PTPRA: variants seen among roughly 807,000 people sequenced by gnomAD.
The protein encoded by PTPRA is protein tyrosine phosphatase receptor type A.
In PTPRA, 25 loss-of-function variants were observed where a neutral mutation model predicts 104.8. The observed-to-expected ratio is 0.24, with a 90% confidence interval of 0.17 to 0.33. The LOEUF (loss-of-function observed/expected upper bound fraction) is 0.33, where lower values mean the gene tolerates loss of function less well. Among genes scored for constraint, PTPRA ranks in the 10% least tolerant of loss-of-function variants. The probability of loss-of-function intolerance (pLI) is 1.00; values close to 1 mark genes in which losing one functional copy is unlikely to be tolerated. For missense variants in PTPRA, 765 were observed against 1,015.3 expected (o/e 0.75, Z 3.35); for synonymous variants, 323 against 368.9 (o/e 0.88, Z 1.43).
intron 18 of PTPRA, 120 bp from the exon 19 acceptor site, chr20:3,027,001 A>C: frequency 8.6e-7 from 1 of 1,168,236 alleles, no homozygotes; most frequent in Non-Finnish European, 1.3e-6. Context: ...ATGAGCTAGG[A>C]ACAGACATGT....
chr20:2,987,496 G>C (rs1568683230), intron 7 of PTPRA, among the ~76,000 whole-genome samples: 1 of 152,042 alleles, frequency 6.6e-6, no homozygotes, highest in Non-Finnish European at 1.5e-5. Flanking sequence ...CTTATCTTTG[G>C]CCTAACCAAA....
At chr20:2,934,770 C>A (rs28718735) in intron 2 of PTPRA, among the ~76,000 whole-genome samples, 2 of 148,238 alleles carry the variant, frequency 1.3e-5, no homozygotes, top group African/African-American at 5.0e-5. Context: ...CTCCCTGATT[C>A]GAGCAATTCT....
chr20:2,974,112 G>C (rs771291649), intron 5 of PTPRA, among the ~76,000 whole-genome samples: 25 of 150,882 alleles, frequency 1.7e-4, no homozygotes, highest in Non-Finnish European at 3.1e-4. Context: ...CACCACGCCT[G>C]GCTAATTTTT....
the PTPRA span, chr20:2,864,197 C>T: frequency 2.5e-6 from 4 of 1,614,198 alleles, no homozygotes; most frequent in Non-Finnish European, 2.5e-6. This position sits in a 1 kb window ranked among gnomAD's most constrained non-coding sequence, Gnocchi z 5.2. Flanking sequence ...GTATGAGCCA[C>T]GCTCAGGGGA....
chr20:2,947,722 AC>A (rs542856876), intron 2 of PTPRA, among the ~76,000 whole-genome samples: 3 of 151,478 alleles, frequency 2.0e-5, no homozygotes, highest in African/African-American at 2.4e-5. Context: ...TACATGAACA[AC>A]CCCCCTGGAA....
At chr20:2,955,574 A>C in intron 3 of PTPRA, 1 of 939,920 alleles carries the variant, frequency 1.1e-6, no homozygotes, top group Non-Finnish European at 1.3e-6. Flanking sequence ...TCTCAAGAGA[A>C]GACATATAAT....
chr20:2,895,568 G>A (rs568370631), intron 1 of PTPRA, among the ~76,000 whole-genome samples: 1 of 152,130 alleles, frequency 6.6e-6, no homozygotes, highest in African/African-American at 2.4e-5. Flanking sequence ...CCAGGCTGGA[G>A]TGCAATGGCA....
intron 3 of PTPRA, among the ~76,000 whole-genome samples, chr20:2,962,810 G>A (rs754286998): frequency 3.3e-5 from 5 of 152,136 alleles, no homozygotes; most frequent in African/African-American, 7.2e-5. Context: ...TGCTAGGCAC[G>A]GCTGCTGGTA....
intron 5 of PTPRA, among the ~76,000 whole-genome samples, chr20:2,967,729 C>T (rs1455067578): frequency 6.6e-6 from 1 of 152,070 alleles, no homozygotes; most frequent in African/African-American, 2.4e-5. Context: ...GGCATGGGTG[C>T]ATGTGCTTGT....
chr20:2,924,216 A>C (rs908784086), intron 2 of PTPRA, among the ~76,000 whole-genome samples: 1 of 152,168 alleles, frequency 6.6e-6, no homozygotes, highest in Admixed American at 6.5e-5. Context: ...AGCCTGGTCA[A>C]CATGGTGAAA....
At chr20:2,979,974 A>G (rs141744903) in intron 6 of PTPRA, among the ~76,000 whole-genome samples, 2,345 of 151,986 alleles carry the variant, frequency 0.015, 121 homozygotes, top group Admixed American at 0.09. Flanking sequence ...GTGCAATGGC[A>G]CGATCTCGGT....
intron 2 of PTPRA, among the ~76,000 whole-genome samples, chr20:2,928,119 TTTGTTG>T (rs556603510): frequency 6.6e-6 from 1 of 151,876 alleles, no homozygotes; most frequent in East Asian, 1.9e-4. Context: ...GTATCCGTTT[TTTGTTG>T]TTGTTGTTGT....
At position 3,035,542 on chromosome 20, in the gene PTPRA, T is replaced by G; in HGVS notation, c.1921-43T>G. 6.3e-7 allele frequency: 1 copy of G among 1,575,270 alleles called. No homozygotes were observed. Among genetic ancestry groups the G allele is most frequent in the Non-Finnish European group, 8.7e-7 (1 of 1,146,576 alleles). ...TCGTGGGCAGTGCTGCTTCTACACATGTGGTACTCTGAGCTCCTCACCTCT... is the reference window on the plus strand; with the variant it reads ...TCGTGGGCAGTGCTGCTTCTACACAGGTGGTACTCTGAGCTCCTCACCTCT... On this transcript the variant is annotated intron_variant, in intron 20 of 23. Coordinates refer to ENST00000399903, the MANE Select transcript of PTPRA (RefSeq NM_001385305.1). The surrounding 1 kb of genome is among the most constrained non-coding windows in gnomAD (Gnocchi z 5.8).
intron 1 of PTPRA, among the ~76,000 whole-genome samples, chr20:2,883,754 A>T (rs1212521343): frequency 6.6e-6 from 1 of 151,572 alleles, no homozygotes; most frequent in Non-Finnish European, 1.5e-5. Context: ...GCTATAACTT[A>T]CATATTATAA....
chr20:2,864,741 G>T, the PTPRA span: 4 of 1,401,548 alleles, frequency 2.9e-6, no homozygotes, highest in Non-Finnish European at 4.0e-6. This position sits in a 1 kb window ranked among gnomAD's most constrained non-coding sequence, Gnocchi z 5.2. Flanking sequence ...AGGCCTTCGT[G>T]TTGGGTGCAC....
At chr20:2,974,271 G>T (rs1478143604) in intron 5 of PTPRA, among the ~76,000 whole-genome samples, 4 of 151,798 alleles carry the variant, frequency 2.6e-5, no homozygotes, top group African/African-American at 7.3e-5. Context: ...TGATTTTTGA[G>T]ATGGAATCTC....
chr20:2,878,856 A>T (rs1176619318), intron 1 of PTPRA, among the ~76,000 whole-genome samples: 1 of 152,260 alleles, frequency 6.6e-6, no homozygotes. Context: ...TGAAAGAAGT[A>T]CAGTGCTGTG....
At chr20:2,996,246 G>A (rs1333542854) in intron 9 of PTPRA, among the ~76,000 whole-genome samples, 2 of 152,190 alleles carry the variant, frequency 1.3e-5, no homozygotes, top group African/African-American at 4.8e-5. Context: ...AGGTAGAGCC[G>A]ACCTTGGTGG....
chr20:3,012,463 C>G (rs1468949676), intron 11 of PTPRA, among the ~76,000 whole-genome samples: 1 of 152,196 alleles, frequency 6.6e-6, no homozygotes, highest in Non-Finnish European at 1.5e-5. Context: ...TTGGTCATAT[C>G]TAGAGCTGTG....
Sources: allele counts gnomAD v4.1 joint callset (sites outside exome capture counted in the v4.1 genomes callset), GRCh38; gene constraint gnomAD v4.1.1; non-coding constraint Gnocchi (gnomAD v3.1); transcripts MANE v1.5; gene names NCBI Gene and HGNC (gene_info 2026-07-23, HGNC 2026-07-21).